HS6ST2: variants seen among roughly 807,000 people sequenced by gnomAD.
The protein encoded by HS6ST2 is heparan sulfate 6-O-sulfotransferase 2, also known as heparan-sulfate 6-O-sulfotransferase 2.
Under a neutral mutation model 33.0 loss-of-function variants are expected in HS6ST2, and 17 were observed. That is an observed-to-expected ratio of 0.52 (90% CI 0.35 to 0.77). HS6ST2 has a LOEUF of 0.77. HS6ST2 is among the 30% of genes least tolerant of loss of function. The pLI is 0.01. For synonymous variants in HS6ST2, 248 were observed against 237.1 expected (o/e 1.05, Z -0.42); for missense variants, 519 against 551.7 (o/e 0.94, Z 0.59).
chrX:132,899,708 C>T (rs1456041478), intron 2 of HS6ST2, among the ~76,000 whole-genome samples: 2 of 111,096 alleles, frequency 1.8e-5, no homozygotes, highest in Non-Finnish European at 3.8e-5. Flanking sequence ...AAAAGTTTTG[C>T]AAATTTTATG....
chrX:132,679,402 C>T (rs188585375), intron 3 of HS6ST2, among the ~76,000 whole-genome samples: 6 of 111,508 alleles, frequency 5.4e-5, no homozygotes, highest in East Asian at 2.8e-4. Context: ...CCCCACAAGC[C>T]GCAAAACCAG....
chrX:132,947,886 T>C (rs957222566), intron 2 of HS6ST2, among the ~76,000 whole-genome samples: 1 of 111,671 alleles, frequency 9.0e-6, no homozygotes, highest in South Asian at 3.8e-4. Context: ...TCTCCTGTAG[T>C]AAGTTAGCAA....
chrX:132,744,015 C>T (rs2064610178), intron 2 of HS6ST2, among the ~76,000 whole-genome samples: 1 of 111,238 alleles, frequency 9.0e-6, no homozygotes, highest in Non-Finnish European at 1.9e-5. Flanking sequence ...TCTCAAACTC[C>T]TGGCCTCAAG....
chrX:132,727,140 A>AAAAACT (rs1307954733), intron 2 of HS6ST2, among the ~76,000 whole-genome samples: 10 of 110,400 alleles, frequency 9.1e-5, no homozygotes, highest in African/African-American at 3.3e-4. Flanking sequence ...AACCTTAAAA[A>AAAAACT]AAAACTAAAA....
intron 3 of HS6ST2, among the ~76,000 whole-genome samples, chrX:132,698,771 C>T (rs1372193775): frequency 3.6e-5 from 4 of 111,653 alleles, no homozygotes; most frequent in South Asian, 3.8e-4. Flanking sequence ...TCTTTCATAA[C>T]ATTCATCACA....
chrX:132,927,012 G>A (rs1264646405), intron 2 of HS6ST2, among the ~76,000 whole-genome samples: 1 of 111,124 alleles, frequency 9.0e-6, no homozygotes, highest in East Asian at 2.8e-4. Flanking sequence ...CTGCCCGTGG[G>A]CATCTCAACA....
intron 3 of HS6ST2, among the ~76,000 whole-genome samples, chrX:132,703,223 G>T (rs2064159585): frequency 8.9e-6 from 1 of 112,273 alleles, no homozygotes; most frequent in African/African-American, 3.2e-5. Context: ...AGATCTCTAG[G>T]TTTACTGATG....
At position 132,755,442 on chromosome X, in the gene HS6ST2, A is replaced by T. The variant is rs2064749284; in HGVS notation, c.948-46948T>A. ...GGAGCCCTGGTTGCTTTTATTGAAA[A>T]ACAGTATTAGAAAACAAACAAGATT... is the stretch of plus-strand genomic sequence containing the variant. On this transcript the variant is annotated intron_variant, in intron 2 of 4. Coordinates refer to ENST00000370833, the MANE Select transcript of HS6ST2 (RefSeq NM_001394073.1). Among the ~76,000 whole-genome samples the T allele has an allele frequency of 2.7e-5, 3 of 111,640 alleles. No individual in the cohort carries two copies. In the Admixed American group the frequency reaches 2.9e-4, roughly 11 times the overall value.
chrX:132,862,141 G>C (rs1285389082), intron 2 of HS6ST2, among the ~76,000 whole-genome samples: 1 of 111,668 alleles, frequency 9.0e-6, no homozygotes, highest in African/African-American at 3.3e-5. Flanking sequence ...TTATTCTTTT[G>C]TGATGCTCAG....
chrX:132,725,058 C>T (rs2064379109), intron 2 of HS6ST2, among the ~76,000 whole-genome samples: 3 of 111,500 alleles, frequency 2.7e-5, no homozygotes, highest in African/African-American at 9.8e-5. Context: ...TACAAGAAAA[C>T]ATTAGGGAAA....
chrX:132,791,821 A>G (rs971864776), intron 2 of HS6ST2, among the ~76,000 whole-genome samples: 6 of 110,531 alleles, frequency 5.4e-5, no homozygotes, highest in Non-Finnish European at 1.1e-4. Context: ...AAAAAAAAAA[A>G]AAAATCAAAC....
At chrX:132,943,452 C>A (rs1425912050) in intron 2 of HS6ST2, among the ~76,000 whole-genome samples, 1 of 111,324 alleles carries the variant, frequency 9.0e-6, no homozygotes, top group Non-Finnish European at 1.9e-5. Flanking sequence ...TGGTACCATT[C>A]CTTCTGAAAC....
chrX:132,749,816 C>T (rs768050208), intron 2 of HS6ST2, among the ~76,000 whole-genome samples: 2 of 111,309 alleles, frequency 1.8e-5, no homozygotes, highest in Admixed American at 9.6e-5. Flanking sequence ...GTTACAGTTG[C>T]TTGGCTGTAA....
In HS6ST2 at chrX:132,869,839, C is replaced by G. The variant is rs764815194; in HGVS notation, c.947+86969G>C. On this transcript the variant is annotated intron_variant, in intron 2 of 4. Coordinates refer to ENST00000370833, the MANE Select transcript of HS6ST2 (RefSeq NM_001394073.1). ...TGAATGGGCAAAAGCTGGAAGGATT[C>G]CCTCTGAAAACTGGCACAAGACAAG... Among the ~76,000 whole-genome samples the G allele has an allele frequency of 6.3e-5, 7 of 111,665 alleles. No individual in the cohort carries two copies. In the Admixed American group the frequency reaches 6.7e-4, roughly 11 times the overall value.
At chrX:132,778,518 G>C (rs988728758) in intron 2 of HS6ST2, among the ~76,000 whole-genome samples, 2 of 110,505 alleles carry the variant, frequency 1.8e-5, no homozygotes, top group Admixed American at 9.7e-5. Context: ...TCCTGTCTCA[G>C]CCTCCTGAGT....
At chrX:132,960,243 G>C (rs1375026525), upstream of HS6ST2, among the ~76,000 whole-genome samples, 1 of 111,240 alleles carries the variant, frequency 9.0e-6, no homozygotes, top group Admixed American at 9.5e-5. Context: ...TGTGAGCCAG[G>C]GTAGTGGGAA....
chrX:132,821,126 TCTTA>T (rs926423216), intron 2 of HS6ST2, among the ~76,000 whole-genome samples: 6 of 110,589 alleles, frequency 5.4e-5, no homozygotes, highest in African/African-American at 1.6e-4. Context: ...AGAGAATATT[TCTTA>T]CTTATAGTTA....
In HS6ST2 at chrX:132,943,524, C is replaced by T. The variant is rs183925586; in HGVS notation, c.947+13284G>A. Among the ~76,000 whole-genome samples, 4 of 111,393 alleles carry T rather than the reference C, an allele frequency of 3.6e-5. No individual in the cohort carries two copies. In the East Asian group the frequency reaches 1.1e-3, roughly 31 times the overall value. Reference sequence around the variant, plus strand: ...ACTCATTTTATGAGGCCAGCATCATCCTGATACCAAAGCCTGGCAGAGACA... The same window carrying T: ...ACTCATTTTATGAGGCCAGCATCATTCTGATACCAAAGCCTGGCAGAGACA... On this transcript the variant is annotated intron_variant, in intron 2 of 4. Coordinates refer to ENST00000370833, the MANE Select transcript of HS6ST2 (RefSeq NM_001394073.1).
At chrX:132,803,068 G>A (rs958529610) in intron 2 of HS6ST2, among the ~76,000 whole-genome samples, 4 of 111,294 alleles carry the variant, frequency 3.6e-5, no homozygotes, top group Non-Finnish European at 5.7e-5. Context: ...CAGGCCCAAG[G>A]CCAGCCCTGC....
Sources: allele counts gnomAD v4.1 joint callset (sites outside exome capture counted in the v4.1 genomes callset), GRCh38; gene constraint gnomAD v4.1.1; transcripts MANE v1.5; gene names NCBI Gene and HGNC (gene_info 2026-07-23, HGNC 2026-07-21).